Variants in MARCHF1 observed in about 807,000 individuals in gnomAD.
The protein encoded by MARCHF1 is E3 ubiquitin-protein ligase MARCHF1.
MARCHF1 carries 40 observed loss-of-function variants against 54.2 expected under a neutral mutation model. The observed-to-expected ratio is 0.74, with a 90% confidence interval of 0.57 to 0.96. MARCHF1 has a LOEUF of 0.96. Ranked by LOEUF, MARCHF1 falls within the 40% of genes least tolerant of loss-of-function variation. The pLI, the probability that MARCHF1 is intolerant of heterozygous loss-of-function variation, is 0.00. For synonymous variants in MARCHF1, 236 were observed against 236.3 expected (o/e 1.00, Z 0.01); for missense variants, 586 against 656.5 (o/e 0.89, Z 1.17).
intron 3 of MARCHF1, among the ~76,000 whole-genome samples, chr4:163,882,174 CTT>C (rs906595831): frequency 8.5e-5 from 13 of 152,114 alleles, no homozygotes; most frequent in Non-Finnish European, 1.9e-4. Context: ...TTTTGAAAGT[CTT>C]TTTAAAAAGT....
chr4:163,951,065 T>A (rs1752125678), intron 3 of MARCHF1, among the ~76,000 whole-genome samples: 2 of 152,182 alleles, frequency 1.3e-5, no homozygotes, highest in South Asian at 4.1e-4. Flanking sequence ...AAATATCACT[T>A]CACTTATTTT....
chr4:164,086,229 C>T (rs926428241), intron 2 of MARCHF1, among the ~76,000 whole-genome samples: 3 of 151,620 alleles, frequency 2.0e-5, no homozygotes, highest in Non-Finnish European at 3.0e-5. Flanking sequence ...ATTTTTATTT[C>T]CTGTATCAAA....
At chr4:164,372,850 TATTA>T (rs1463128937) in intron 1 of MARCHF1, among the ~76,000 whole-genome samples, 3 of 152,134 alleles carry the variant, frequency 2.0e-5, no homozygotes, top group African/African-American at 7.2e-5. Flanking sequence ...CAGTCATAAA[TATTA>T]TTTATTCATT....
intron 2 of MARCHF1, among the ~76,000 whole-genome samples, chr4:164,068,257 C>T (rs1351207677): frequency 6.6e-6 from 1 of 152,184 alleles, no homozygotes; most frequent in Non-Finnish European, 1.5e-5. Context: ...CCCTCGCTCA[C>T]TCTCGGCACC....
chr4:163,822,077 T>C (rs77763743), intron 4 of MARCHF1, among the ~76,000 whole-genome samples: 3 of 151,944 alleles, frequency 2.0e-5, no homozygotes, highest in African/African-American at 7.2e-5. Context: ...TACTTTTTAT[T>C]TATCCTGTTT....
intron 1 of MARCHF1, among the ~76,000 whole-genome samples, chr4:164,287,452 G>A (rs1734178315): frequency 6.6e-6 from 1 of 152,140 alleles, no homozygotes; most frequent in African/African-American, 2.4e-5. Context: ...CAGTGAAGAT[G>A]TCGTGGAACA....
At chr4:164,111,683 A>T (rs1430144631) in intron 1 of MARCHF1, 21 bp from the exon 2 acceptor site, 1 of 151,764 alleles carries the variant, frequency 6.6e-6, no homozygotes, top group Non-Finnish European at 1.5e-5. Context: ...AATTAAATTA[A>T]TGTTAAGGCC....
chr4:164,066,728 T>A (rs532636832), intron 2 of MARCHF1, among the ~76,000 whole-genome samples: 2 of 152,212 alleles, frequency 1.3e-5, no homozygotes, highest in African/African-American at 4.8e-5. Flanking sequence ...GGGACATGGA[T>A]GGAGCTAGAG....
At chr4:163,961,085 C>CTTAATT (rs1486459476) in intron 3 of MARCHF1, among the ~76,000 whole-genome samples, 2 of 151,808 alleles carry the variant, frequency 1.3e-5, no homozygotes, top group Admixed American at 6.6e-5. Flanking sequence ...CTCATATAAC[C>CTTAATT]TTAATTTTCT....
At chr4:164,229,156 C>A (rs888139961) in intron 1 of MARCHF1, among the ~76,000 whole-genome samples, 6 of 152,180 alleles carry the variant, frequency 3.9e-5, no homozygotes, top group African/African-American at 1.4e-4. Flanking sequence ...TCAACAAATT[C>A]TTTGACACAT....
intron 5 of MARCHF1, among the ~76,000 whole-genome samples, chr4:163,620,857 G>C (rs775852296): frequency 6.6e-6 from 1 of 152,106 alleles, no homozygotes; most frequent in Non-Finnish European, 1.5e-5. Context: ...TTATTTCTCA[G>C]GCTGTATATT....
At chr4:164,167,041 A>G (rs978318253) in intron 1 of MARCHF1, among the ~76,000 whole-genome samples, 6 of 151,462 alleles carry the variant, frequency 4.0e-5, no homozygotes, top group African/African-American at 1.5e-4. Flanking sequence ...ATTGTCATCA[A>G]TATTATCAAT....
At chr4:164,116,745 G>GA (rs1755946841) in intron 1 of MARCHF1, among the ~76,000 whole-genome samples, 1 of 151,814 alleles carries the variant, frequency 6.6e-6, no homozygotes, top group Non-Finnish European at 1.5e-5. Flanking sequence ...CTGTTGTAGA[G>GA]AAAAAAATAC....
intron 5 of MARCHF1, among the ~76,000 whole-genome samples, chr4:163,663,825 G>T (rs1376843024): frequency 6.6e-6 from 1 of 151,824 alleles, no homozygotes; most frequent in Non-Finnish European, 1.5e-5. Context: ...AAAATTGATA[G>T]AAACTAAAAA....
At chr4:163,796,517 T>C (rs1339411738) in intron 4 of MARCHF1, among the ~76,000 whole-genome samples, 1 of 152,128 alleles carries the variant, frequency 6.6e-6, no homozygotes, top group Non-Finnish European at 1.5e-5. Context: ...ATTTGTTCTC[T>C]TTTTTCCAGG....
chr4:163,634,135 C>T (rs1742219098), intron 5 of MARCHF1, among the ~76,000 whole-genome samples: 1 of 152,128 alleles, frequency 6.6e-6, no homozygotes, highest in Admixed American at 6.5e-5. Flanking sequence ...CCAGCTGCTG[C>T]AAAATCATGC....
At chr4:163,812,280 C>T (rs1239221158) in intron 4 of MARCHF1, among the ~76,000 whole-genome samples, 1 of 149,410 alleles carries the variant, frequency 6.7e-6, no homozygotes, top group Non-Finnish European at 1.5e-5. Context: ...ATATCAATAA[C>T]ATATATTATA....
intron 2 of MARCHF1, among the ~76,000 whole-genome samples, chr4:164,088,561 A>G (rs1466697271): frequency 2.0e-5 from 3 of 151,964 alleles, no homozygotes; most frequent in Non-Finnish European, 4.4e-5. Context: ...AACATGGCAA[A>G]ACTCTGTCTC....
At chr4:164,036,102 C>CAAAAA (rs34183134) in intron 2 of MARCHF1, among the ~76,000 whole-genome samples, 5 of 82,896 alleles carry the variant, frequency 6.0e-5, no homozygotes, top group African/African-American at 2.0e-4. Context: ...GATTCTGTCT[C>CAAAAA]AAAAAAAAAA....
Sources: allele counts gnomAD v4.1 joint callset (sites outside exome capture counted in the v4.1 genomes callset), GRCh38; gene constraint gnomAD v4.1.1; transcripts MANE v1.5; gene names NCBI Gene and HGNC (gene_info 2026-07-23, HGNC 2026-07-21).